Variants in PCDHGA3 observed in about 807,000 individuals in gnomAD.
PCDHGA3 encodes the protein protocadherin gamma-A3.
PCDHGA3 carries 40 observed loss-of-function variants against 58.5 expected under a neutral mutation model. The observed-to-expected ratio is 0.68, with a 90% CI of 0.53 to 0.89. The LOEUF (loss-of-function observed/expected upper bound fraction) is 0.89. Among genes scored for constraint, PCDHGA3 ranks in the 40% least tolerant of loss-of-function variants. The pLI is 0.00. For synonymous variants in PCDHGA3, 530 were observed against 525.7 expected (o/e 1.01, Z -0.11); for missense variants, 1,223 against 1,195.9 (o/e 1.02, Z -0.33).
At chr5:141,467,110 T>C (rs2099137137) in intron 1 of PCDHGA3, among the ~76,000 whole-genome samples, 1 of 151,604 alleles carries the variant, frequency 6.6e-6, no homozygotes, top group Non-Finnish European at 1.5e-5. Context: ...TGGAGTACAA[T>C]GGTGCAATCT....
chr5:141,384,596 C>G, intron 1 of PCDHGA3: 1 of 1,614,240 alleles, frequency 6.2e-7, no homozygotes, highest in Non-Finnish European at 8.5e-7. Flanking sequence ...CTGTACCCGG[C>G]CCTCCCCACA....
chr5:141,510,613 C>T (rs559713771), intron 3 of PCDHGA3, among the ~76,000 whole-genome samples: 17 of 152,298 alleles, frequency 1.1e-4, no homozygotes, highest in Admixed American at 2.0e-4. Context: ...TTAGCATTCA[C>T]TAAAACCAGA....
chr5:141,408,230 C>G (rs1470965375), intron 1 of PCDHGA3: 1 of 1,566,168 alleles, frequency 6.4e-7, no homozygotes, highest in Non-Finnish European at 8.7e-7. Flanking sequence ...GCAGAGGCGC[C>G]GGGCCGGCCC....
rs372202008 is a variant in PCDHGA3, at chr5:141,404,550, C to T, written c.2424+58093C>T. The stretch of plus-strand genomic sequence containing the variant: ...TTTAGAGATTTGCAAATGCAGGTGA[C>T]GGCAAGTGACAGTGGAAGCCCACCA... On this transcript the variant is annotated intron_variant, in intron 1 of 3. Coordinates refer to ENST00000253812, the MANE Select transcript of PCDHGA3 (RefSeq NM_018916.4). The T allele has an allele frequency of 2.8e-4, 448 of 1,613,648 alleles. 1 individual carries two copies. The highest frequency in any genetic ancestry group is 9.8e-4 in the South Asian group (89 of 91,080).
At chr5:141,350,048 G>C in intron 1 of PCDHGA3, 1 of 396,924 alleles carries the variant, frequency 2.5e-6, no homozygotes, top group Non-Finnish European at 4.4e-6. Context: ...CGCCGCTGTC[G>C]ACCAAAAGGA....
Position 141,379,889 on chromosome 5 carries a change from C to CTTTTTTTTTTTTTTTTTTT in PCDHGA3, c.2424+33444_2424+33462dup, listed in dbSNP as rs70988800. ...CTTATTTTATGGTCTGTGAAAGCCT[C>CTTTTTTTTTTTTTTTTTTT]TTTTTTTTTTTTTTTTTTTTTTTTT... On this transcript the variant is annotated intron_variant, in intron 1 of 3. Transcript: ENST00000253812. Among the ~76,000 whole-genome samples, 178 of 50,830 alleles carry CTTTTTTTTTTTTTTTTTTT rather than the reference C, an allele frequency of 3.5e-3. 28 individuals are homozygous for CTTTTTTTTTTTTTTTTTTT. Among genetic ancestry groups the CTTTTTTTTTTTTTTTTTTT allele is most frequent in the Non-Finnish European group, 5.0e-3 (129 of 25,880 alleles). The allele number at this position is 50,830 out of a possible 152,430, so 33.3% of individuals were successfully genotyped here.
chr5:141,370,197 G>A (rs1766736161), intron 1 of PCDHGA3: 1 of 536,070 alleles, frequency 1.9e-6, no homozygotes, highest in Non-Finnish European at 3.2e-6. Flanking sequence ...CTAGTGCTGT[G>A]CAAAATATTG....
intron 1 of PCDHGA3, among the ~76,000 whole-genome samples, chr5:141,430,247 G>T (rs1003479541): frequency 9.7e-6 from 1 of 102,928 alleles, no homozygotes; most frequent in Non-Finnish European, 1.8e-5. Flanking sequence ...AACTCCTAGG[G>T]AGACATCTCC....
chr5:141,392,360 CAATCTGATCATTCTGATCT>C (rs1372415416), intron 1 of PCDHGA3: 2 of 152,712 alleles, frequency 1.3e-5, no homozygotes, highest in Non-Finnish European at 2.9e-5. Context: ...TCCGATGCTA[CAATCTGATCATTCTGATCT>C]AATCTGATCA....
chr5:141,387,670 C>T, intron 1 of PCDHGA3: 1 of 694,130 alleles, frequency 1.4e-6, no homozygotes, highest in Non-Finnish European at 2.3e-6. Flanking sequence ...CGCTCCAGAT[C>T]TCCTCGCGCA....
At chr5:141,445,268 C>A (rs2098461653) in intron 1 of PCDHGA3, among the ~76,000 whole-genome samples, 1 of 152,170 alleles carries the variant, frequency 6.6e-6, no homozygotes, top group Non-Finnish European at 1.5e-5. Flanking sequence ...TAAGTCGAAA[C>A]CACTCTGCAT....
In PCDHGA3 at chr5:141,385,336, C is replaced by T. The variant is rs866774654; in HGVS notation, c.2424+38879C>T. 2.5e-6 allele frequency: 4 copies of T among 1,579,494 alleles called. No homozygotes were observed. In the African/African-American group the frequency reaches 5.4e-5, roughly 22 times the overall value. ...GCCAAGTATTCAGGTGAGCCCAGCC[C>T]TTCCTTTATTTCCATGAGGAATTTA... On this transcript the variant is annotated intron_variant, in intron 1 of 3. Coordinates refer to ENST00000253812, the MANE Select transcript of PCDHGA3 (RefSeq NM_018916.4).
chr5:141,418,125 G>A (rs765373450), intron 1 of PCDHGA3: 2 of 1,614,086 alleles, frequency 1.2e-6, no homozygotes, highest in Middle Eastern at 1.7e-4. Flanking sequence ...GTGAAGGACC[G>A]AATAGACCGT....
At chr5:141,479,391 T>G (rs2099494461) in intron 1 of PCDHGA3, 1 of 152,266 alleles carries the variant, frequency 6.6e-6, no homozygotes, top group Non-Finnish European at 1.5e-5. Flanking sequence ...AGCCCAGGAG[T>G]TCTGGGCTGT....
chr5:141,428,310 G>A (rs2097132610), intron 1 of PCDHGA3: 1 of 671,630 alleles, frequency 1.5e-6, no homozygotes, highest in Admixed American at 2.2e-5. Context: ...ACCTGGTCGT[G>A]GCCTTGGCCT....
intron 1 of PCDHGA3, chr5:141,383,737 T>TC: frequency 6.2e-7 from 1 of 1,613,998 alleles, no homozygotes; most frequent in Non-Finnish European, 8.5e-7. Flanking sequence ...AGTGACATAT[T>TC]CTTTTCGGAA....
intron 1 of PCDHGA3, chr5:141,371,527 T>G: frequency 2.5e-6 from 4 of 1,613,816 alleles, no homozygotes; most frequent in Non-Finnish European, 3.4e-6. Context: ...GATTCTGGAT[T>G]TAATGGAGAA....
At chr5:141,393,075 G>A in intron 1 of PCDHGA3, 1 of 1,613,702 alleles carries the variant, frequency 6.2e-7, no homozygotes, top group Non-Finnish European at 8.5e-7. Context: ...GATCACCGCG[G>A]GCAGGATAGA....
chr5:141,398,087 G>T (rs1377881034), intron 1 of PCDHGA3: 1 of 1,599,430 alleles, frequency 6.3e-7, no homozygotes, highest in African/African-American at 1.3e-5. Flanking sequence ...TTGTAACCTG[G>T]CGTCTCCAGG....
Sources: gnomAD v4.1 joint callset for allele counts (sites outside exome capture counted in the v4.1 genomes callset) on GRCh38, gnomAD v4.1.1 for gene constraint, MANE v1.5 for transcripts, NCBI Gene and HGNC (gene_info 2026-07-23, HGNC 2026-07-21) for gene names.